The following SEPTIN11 variants were observed in gnomAD, a reference collection of about 807,000 sequenced individuals.
SEPTIN11 encodes the protein septin-11.
SEPTIN11 carries 25 observed loss-of-function variants against 51.4 expected under a neutral mutation model. The observed-to-expected ratio is 0.49, with a 90% CI of 0.35 to 0.68. SEPTIN11 has a LOEUF of 0.68. Among genes scored for constraint, SEPTIN11 ranks in the 30% least tolerant of loss-of-function variants. The probability of loss-of-function intolerance (pLI) is 0.00; values close to 1 mark genes in which losing one functional copy is unlikely to be tolerated. For synonymous variants in SEPTIN11, 174 were observed against 184.1 expected (o/e 0.95, Z 0.44); for missense variants, 381 against 520.8 (o/e 0.73, Z 2.61).
intron 1 of SEPTIN11, among the ~76,000 whole-genome samples, chr4:76,987,212 A>G (rs1444842494): frequency 6.6e-6 from 1 of 152,168 alleles, no homozygotes; most frequent in East Asian, 1.9e-4. Context: ...GCTGGGCCGC[A>G]CTGAGAAGTT....
At chr4:77,003,193 C>T (rs1216329809) in intron 2 of SEPTIN11, among the ~76,000 whole-genome samples, 1 of 152,200 alleles carries the variant, frequency 6.6e-6, no homozygotes, top group Non-Finnish European at 1.5e-5. Context: ...ATTAGATAGA[C>T]CACTCTCCAA....
In SEPTIN11 at chr4:77,034,709, A is replaced by G. The variant is rs1485890140; in HGVS notation, c.*197A>G. ...TGATAGAACAAGGGAATAACCGCGA[A>G]TGCTCTGTGCAGCTGGACTCTGTTT... On this transcript the variant is annotated 3_prime_UTR_variant, in exon 10 of 10. Transcript: ENST00000264893. 5 of 1,304,930 alleles carry G rather than the reference A, an allele frequency of 3.8e-6. No individual in the cohort carries two copies. Among genetic ancestry groups the G allele is most frequent in the Non-Finnish European group, 4.9e-6 (5 of 1,024,636 alleles). The allele number at this position is 1,304,930 out of a possible 1,614,324, so 80.8% of individuals were successfully genotyped here. A position where few individuals can be genotyped will look rare whatever the true frequency, so the allele number is the denominator to read the frequency against.
chr4:77,020,478 C>T lies in SEPTIN11; in HGVS notation c.785-24C>T, dbSNP rs147417182. 1.9e-4 allele frequency: 311 copies of T among 1,610,770 alleles called. 1 individual carries two copies. The East Asian group carries it at 3.9e-3, about 20-fold the overall frequency. On this transcript the variant is annotated intron_variant, in intron 6 of 9. Transcript: ENST00000264893. ...GTGACATCATTGCTAATCCCACTTC[C>T]GCCATTTCCCCCCTCTCTTGTAGTT...
intron 3 of SEPTIN11, among the ~76,000 whole-genome samples, chr4:77,007,833 A>G (rs921843672): frequency 6.6e-6 from 1 of 152,226 alleles, no homozygotes; most frequent in African/African-American, 2.4e-5. Flanking sequence ...ACTTGTTCAC[A>G]AATTGTTATC....
chr4:77,019,370 A>T, intron 6 of SEPTIN11, 109 bp downstream of exon 6: 11 of 777,600 alleles, frequency 1.4e-5, no homozygotes, highest in Non-Finnish European at 2.2e-5. Context: ...GTGGGCTGGC[A>T]GTGGGAGGGA....
At chr4:76,982,390 T>G (rs1722814702) in intron 1 of SEPTIN11, among the ~76,000 whole-genome samples, 1 of 152,082 alleles carries the variant, frequency 6.6e-6, no homozygotes, top group Non-Finnish European at 1.5e-5. Context: ...TTTGTATTTT[T>G]AGTAGATACG....
At chr4:76,971,684 T>A (rs186877795) in intron 1 of SEPTIN11, among the ~76,000 whole-genome samples, 1 of 152,304 alleles carries the variant, frequency 6.6e-6, no homozygotes, top group Non-Finnish European at 1.5e-5. Context: ...GACCTTTGAA[T>A]CTTGTCTTAA....
chr4:76,999,823 T>C (rs1234854833), intron 2 of SEPTIN11, among the ~76,000 whole-genome samples: 1 of 152,190 alleles, frequency 6.6e-6, no homozygotes, highest in Non-Finnish European at 1.5e-5. Flanking sequence ...TTAAATGAGA[T>C]AACAGAACAC....
intron 3 of SEPTIN11, among the ~76,000 whole-genome samples, chr4:77,008,322 TG>T (rs1401033246): frequency 6.6e-6 from 1 of 152,182 alleles, no homozygotes; most frequent in Non-Finnish European, 1.5e-5. Context: ...CTAGCTGTAA[TG>T]ATAGTTAGCC....
chr4:77,021,951 A>T (rs1261773261), intron 7 of SEPTIN11, among the ~76,000 whole-genome samples: 1 of 152,230 alleles, frequency 6.6e-6, no homozygotes, highest in Non-Finnish European at 1.5e-5. Context: ...CTTCTAGCCA[A>T]GATTGCATCA....
chr4:76,979,441 T>C (rs1449087784), intron 1 of SEPTIN11, among the ~76,000 whole-genome samples: 2 of 152,088 alleles, frequency 1.3e-5, no homozygotes, highest in African/African-American at 4.8e-5. Context: ...TCCAGTTTAG[T>C]GTATGGGCGG....
chr4:76,954,983 ATT>A (rs11324669), intron 1 of SEPTIN11, among the ~76,000 whole-genome samples: 36 of 151,642 alleles, frequency 2.4e-4, no homozygotes, highest in African/African-American at 6.5e-4. Flanking sequence ...TTATTTATTT[ATT>A]TTTTTTTGCA....
intron 1 of SEPTIN11, among the ~76,000 whole-genome samples, chr4:76,955,639 CAAAG>C (rs1560690554): frequency 1.3e-5 from 2 of 152,238 alleles, no homozygotes; most frequent in East Asian, 3.9e-4. Context: ...TGAAGGAAGA[CAAAG>C]AAAATCTGCA....
At chr4:76,971,929 A>G (rs568630407) in intron 1 of SEPTIN11, among the ~76,000 whole-genome samples, 1 of 152,352 alleles carries the variant, frequency 6.6e-6, no homozygotes, top group South Asian at 2.1e-4. Flanking sequence ...CTTTTAAAAT[A>G]TGAGGATGTA....
At chr4:76,999,762 A>G (rs2109939844) in intron 2 of SEPTIN11, among the ~76,000 whole-genome samples, 1 of 152,230 alleles carries the variant, frequency 6.6e-6, no homozygotes, top group East Asian at 1.9e-4. Flanking sequence ...CTGGGAAGGC[A>G]TGTAATAGAG....
intron 1 of SEPTIN11, among the ~76,000 whole-genome samples, chr4:76,953,002 C>T (rs892854796): frequency 1.3e-5 from 2 of 152,150 alleles, no homozygotes; most frequent in African/African-American, 4.8e-5. Flanking sequence ...TTGAAAGGAA[C>T]GTTAGAGGTC....
chr4:76,956,962 ATGTGTGTGTGTG>A (rs202035045), intron 1 of SEPTIN11, among the ~76,000 whole-genome samples: 9 of 119,202 alleles, frequency 7.6e-5, no homozygotes, highest in Admixed American at 3.3e-4. Flanking sequence ...TAGTAGAATG[ATGTGTGTGTGTG>A]TGTGTGTGTG....
chr4:77,011,231 C>T (rs925976900), intron 3 of SEPTIN11, among the ~76,000 whole-genome samples: 5 of 152,118 alleles, frequency 3.3e-5, no homozygotes, highest in Non-Finnish European at 2.9e-5. Context: ...TGAAACCACA[C>T]ACCAGTTTCA....
rs1462212635 is a variant in SEPTIN11 at position 76,949,885 on chromosome 4, A to AGCCGGT, written c.-14_-9dup. 18 of 1,524,874 alleles carry AGCCGGT rather than the reference A, an allele frequency of 1.2e-5. No homozygotes were observed. The highest frequency in any genetic ancestry group is 1.6e-5 in the Non-Finnish European group (18 of 1,143,240). The allele number at this position is 1,524,874 out of a possible 1,614,324, so 94.5% of individuals were successfully genotyped here. ...GCGTAAAGCACCCGGGCGCAGCCGG[A>AGCCGGT]GCCGGTGCCGCAGCTGCGATGGCCG... On this transcript the variant is annotated 5_prime_UTR_variant, in exon 1 of 10. Coordinates refer to ENST00000264893, the MANE Select transcript of SEPTIN11 (RefSeq NM_018243.4).
Sources: allele counts gnomAD v4.1 joint callset (sites outside exome capture counted in the v4.1 genomes callset), GRCh38; gene constraint gnomAD v4.1.1; transcripts MANE v1.5; gene names NCBI Gene and HGNC (gene_info 2026-07-23, HGNC 2026-07-21).